Variants in FBN2 observed in about 807,000 individuals in gnomAD.
FBN2 encodes the protein fibrillin 2.
In FBN2, 105 loss-of-function variants were observed where a neutral mutation model predicts 355.6. The observed-to-expected ratio is 0.30, with a 90% CI of 0.25 to 0.35. The LOEUF (loss-of-function observed/expected upper bound fraction) is 0.35, where lower values mean the gene tolerates loss of function less well. Among genes scored for constraint, FBN2 ranks in the 10% least tolerant of loss-of-function variants. The pLI is 1.00. For synonymous variants in FBN2, 1,350 were observed against 1,301.2 expected (o/e 1.04, Z -0.81); for missense variants, 3,280 against 3,758.7 (o/e 0.87, Z 3.33).
chr5:128,528,386 A>G (rs1235487443), intron 3 of FBN2, among the ~76,000 whole-genome samples: 7 of 152,152 alleles, frequency 4.6e-5, no homozygotes, highest in Non-Finnish European at 1.0e-4. Context: ...ACACAGGTAA[A>G]CAAATACCAC....
rs1752188247 is a variant in FBN2 at position 128,380,036 on chromosome 5, T to C, written c.1604-1146A>G. Among the ~76,000 whole-genome samples the C allele has an allele frequency of 3.3e-5, 5 of 152,092 alleles. No homozygotes were observed. The South Asian group carries it at 1.0e-3, about 32-fold the overall frequency. On this transcript the variant is annotated intron_variant, in intron 11 of 64. Coordinates refer to ENST00000262464, the MANE Select transcript of FBN2 (RefSeq NM_001999.4). ...CTGAATGCAATTAAGCCCCTTCTGG[T>C]AAAGGAAATAAACTTCATAGCAAAT...
In FBN2 at chr5:128,464,765, C is replaced by T. The variant is rs763997393; in HGVS notation, c.785G>A (p.Arg262Gln). 23 of 1,613,936 alleles carry T rather than the reference C, an allele frequency of 1.4e-5. No homozygotes were observed. Among genetic ancestry groups the T allele is most frequent in the East Asian group, 2.2e-5 (1 of 44,882 alleles). Residue 262 changes from arginine to glutamine, a missense_variant, in exon 6 of 65, where the codon CGA becomes CAA. This residue lies in a region of FBN2 where 343 missense variants were observed against 331.0 expected (regional missense o/e 1.04). Coordinates refer to ENST00000262464, the MANE Select transcript of FBN2 (RefSeq NM_001999.4). ...EMCPAQPQPC[R>Q]RGFIPNIRTG... ...GCGGATGTTGGGGATGAAACCCCGT[C>T]GGCAGGGCTGAGGCTGGGCTGGACA...
chr5:128,527,113 A>G (rs769892340), intron 4 of FBN2, among the ~76,000 whole-genome samples: 1 of 152,172 alleles, frequency 6.6e-6, no homozygotes, highest in Non-Finnish European at 1.5e-5. Context: ...TTGTGATTCA[A>G]TTTCAGAAAT....
At chr5:128,346,271 C>G (rs1396249017) in intron 23 of FBN2, among the ~76,000 whole-genome samples, 1 of 152,116 alleles carries the variant, frequency 6.6e-6, no homozygotes, top group Non-Finnish European at 1.5e-5. Flanking sequence ...TAGAGTAGAC[C>G]AGAATGGTCT....
intron 36 of FBN2, among the ~76,000 whole-genome samples, chr5:128,316,544 T>A (rs541210272): frequency 1.9e-4 from 29 of 152,288 alleles, no homozygotes; most frequent in African/African-American, 6.3e-4. Flanking sequence ...TAAAATTGAT[T>A]ATACACTGAC....
At chr5:128,507,625 A>G (rs888010745) in intron 5 of FBN2, among the ~76,000 whole-genome samples, 5 of 152,028 alleles carry the variant, frequency 3.3e-5, no homozygotes, top group African/African-American at 9.7e-5. Context: ...CTTTGGCGAT[A>G]TATGTCTTTC....
intron 8 of FBN2, among the ~76,000 whole-genome samples, chr5:128,403,567 T>C (rs1443717410): frequency 2.0e-5 from 3 of 151,710 alleles, no homozygotes; most frequent in Non-Finnish European, 4.4e-5. Context: ...TCTGTGCCTA[T>C]ATAACAATGT....
rs752335442 is a variant in FBN2, at chr5:128,340,818, C to CCT, written c.3344-1759_3344-1758dup. Among the ~76,000 whole-genome samples, 531 of 150,366 alleles carry CCT rather than the reference C, an allele frequency of 3.5e-3. 2 individuals are homozygous for CCT. Among genetic ancestry groups the CCT allele is most frequent in the South Asian group, 0.014 (65 of 4,696 alleles). On this transcript the variant is annotated intron_variant, in intron 25 of 64. Coordinates refer to ENST00000262464, the MANE Select transcript of FBN2 (RefSeq NM_001999.4). ...AGTGCTCTCTCTTTCTCTCTCTCTC[C>CCT]CTCTCTCTCTCTCTCTCTATATATA...
At chr5:128,474,287 A>T (rs72785147) in intron 5 of FBN2, among the ~76,000 whole-genome samples, 8,750 of 152,324 alleles carry the variant, frequency 0.057, 338 homozygotes, top group South Asian at 0.087. Context: ...AGATGAAAAT[A>T]TTTTGACATG....
At chr5:128,371,212 C>T (rs1258777850) in intron 15 of FBN2, 1 of 152,104 alleles carries the variant, frequency 6.6e-6, no homozygotes, top group East Asian at 1.9e-4. Context: ...CCCTACTGAC[C>T]TTTTCCTGTT....
intron 5 of FBN2, among the ~76,000 whole-genome samples, chr5:128,494,331 T>C (rs1755592761): frequency 6.6e-6 from 1 of 152,086 alleles, no homozygotes; most frequent in Non-Finnish European, 1.5e-5. Flanking sequence ...GCTTTGGAAA[T>C]GGAGATTTTG....
rs369071337 is a variant in FBN2, at chr5:128,430,606, G to C, written c.952+15875C>G. On this transcript the variant is annotated intron_variant, in intron 7 of 64. Coordinates refer to ENST00000262464, the MANE Select transcript of FBN2 (RefSeq NM_001999.4). ...CGCTTGTAATCTCAGTACTTTGGGA[G>C]GCTGAGGCGAGTGGATCATTTGAGG... Among the ~76,000 whole-genome samples, 4 of 152,130 alleles carry C rather than the reference G, an allele frequency of 2.6e-5. No individual in the cohort carries two copies. In the South Asian group the frequency reaches 8.3e-4, roughly 31 times the overall value.
At chr5:128,380,207 A>G (rs1050562700) in intron 11 of FBN2, among the ~76,000 whole-genome samples, 2 of 152,120 alleles carry the variant, frequency 1.3e-5, no homozygotes, top group African/African-American at 4.8e-5. Flanking sequence ...AAAATGAGAA[A>G]AGAGAGAGAG....
rs373418794 is a variant in FBN2, at chr5:128,519,255, T to A, written c.628+18A>T. 6.4e-7 allele frequency: 1 copy of A among 1,559,152 alleles called. No individual in the cohort carries two copies. The highest frequency in any genetic ancestry group is 8.8e-7 in the Non-Finnish European group (1 of 1,130,138). On this transcript the variant is annotated intron_variant, in intron 5 of 64. Transcript: ENST00000262464. ...AAATAGACTTCTTCAGAAAGTAAAGTCTCATTTCTCTTCTTACCTCTTTCA... is the reference window on the plus strand; with the variant it reads ...AAATAGACTTCTTCAGAAAGTAAAGACTCATTTCTCTTCTTACCTCTTTCA...
At chr5:128,533,184 A>G (rs938631916) in intron 2 of FBN2, among the ~76,000 whole-genome samples, 8 of 152,194 alleles carry the variant, frequency 5.3e-5, no homozygotes, top group Non-Finnish European at 1.0e-4. Flanking sequence ...TAACTCTCCA[A>G]TGACAAATGT....
intron 7 of FBN2, among the ~76,000 whole-genome samples, chr5:128,433,942 C>T (rs761093773): frequency 4.6e-5 from 7 of 152,132 alleles, no homozygotes; most frequent in Non-Finnish European, 8.8e-5. Context: ...AAGAAACCTT[C>T]TCATACTATA....
intron 1 of FBN2, among the ~76,000 whole-genome samples, chr5:128,536,699 T>C (rs931373187): frequency 6.6e-6 from 1 of 152,180 alleles, no homozygotes; most frequent in Non-Finnish European, 1.5e-5. Flanking sequence ...ACACTGCCTT[T>C]CATCTGTCGT....
At chr5:128,307,448 C>T (rs922213396) in intron 41 of FBN2, among the ~76,000 whole-genome samples, 4 of 151,676 alleles carry the variant, frequency 2.6e-5, no homozygotes, top group Admixed American at 2.6e-4. Flanking sequence ...TATCAGAAGG[C>T]AAGTAAATCA....
Position 128,345,689 on chromosome 5 carries a change from G to A in FBN2, c.2990-105C>T, listed in dbSNP as rs143000976. 5,820 of 999,870 alleles carry A rather than the reference G, an allele frequency of 5.8e-3. 56 individuals are homozygous for A. Among genetic ancestry groups the A allele is most frequent in the Non-Finnish European group, 5.5e-3 (3,528 of 645,608 alleles). 61.9% of individuals were successfully genotyped at this position (999,870 alleles called of 1,614,324 possible). On this transcript the variant is annotated intron_variant, in intron 23 of 64. Coordinates refer to ENST00000262464, the MANE Select transcript of FBN2 (RefSeq NM_001999.4). ...ACCAGGCATCATGCAGGACCCTTGC[G>A]GTGTACTGGTGGGCAAGATGCAGTC...
Sources: gnomAD v4.1 joint callset for allele counts (sites outside exome capture counted in the v4.1 genomes callset) on GRCh38, gnomAD v4.1.1 for gene constraint, gnomAD v4.1.1 regional missense constraint, MANE v1.5 for transcripts, NCBI Gene and HGNC (gene_info 2026-07-23, HGNC 2026-07-21) for gene names.